JAM2: variants seen among roughly 807,000 people sequenced by gnomAD.
The protein encoded by JAM2 is junctional adhesion molecule 2.
Under a neutral mutation model 42.0 loss-of-function variants are expected in JAM2, and 17 were observed. That is an observed-to-expected ratio of 0.40 (90% CI 0.28 to 0.61). The LOEUF (loss-of-function observed/expected upper bound fraction) is 0.61. Ranked by LOEUF, JAM2 falls within the 20% of genes least tolerant of loss-of-function variation. The pLI, the probability that JAM2 is intolerant of heterozygous loss-of-function variation, is 0.37. For missense variants in JAM2, 319 were observed against 358.3 expected, an observed-to-expected ratio of 0.89 and a Z score of 0.89; for synonymous variants, 118 against 128.6, an observed-to-expected ratio of 0.92 and a Z score of 0.56.
intron 1 of JAM2, among the ~76,000 whole-genome samples, chr21:25,646,591 GGAGA>G (rs146429601): frequency 6.7e-6 from 1 of 150,238 alleles, no homozygotes; most frequent in Non-Finnish European, 1.5e-5. Context: ...AGAGAGAGAA[GGAGA>G]GAGAGAGAGA....
rs538959394 is a variant in JAM2, at chr21:25,673,503, G to A, written c.68-10380G>A. 5.9e-5 allele frequency among the ~76,000 whole-genome samples: 9 copies of A among 152,196 alleles called. No homozygotes were observed. The South Asian group carries it at 6.2e-4, about 11-fold the overall frequency. ...TCAAATTAGTTCATTCACCATAAAC[G>A]TTTACTCATTAACACTGTCTCTGTT... On this transcript the variant is annotated intron_variant, in intron 1 of 9. Transcript: ENST00000480456.
chr21:25,707,872 G>T (rs34851281), intron 7 of JAM2, among the ~76,000 whole-genome samples: 20,247 of 151,666 alleles, frequency 0.13, 1,809 homozygotes, highest in African/African-American at 0.26. Context: ...TTGAGACAGG[G>T]TCTCACTCTG....
At chr21:25,713,937 T>C (rs2034431694) in intron 9 of JAM2, among the ~76,000 whole-genome samples, 1 of 152,222 alleles carries the variant, frequency 6.6e-6, no homozygotes, top group East Asian at 1.9e-4. Flanking sequence ...AGAGTCCCCT[T>C]CAGTTCTCTT....
intron 1 of JAM2, among the ~76,000 whole-genome samples, chr21:25,651,966 A>G (rs991317671): frequency 1.3e-5 from 2 of 152,266 alleles, no homozygotes; most frequent in Non-Finnish European, 2.9e-5. Flanking sequence ...ACAGGAATGG[A>G]ACAGACTTCT....
intron 1 of JAM2, among the ~76,000 whole-genome samples, chr21:25,660,268 G>C (rs1234095423): frequency 6.6e-6 from 1 of 152,112 alleles, no homozygotes; most frequent in Non-Finnish European, 1.5e-5. Flanking sequence ...GGAAAATAAT[G>C]TAGATGATAG....
intron 1 of JAM2, among the ~76,000 whole-genome samples, chr21:25,670,130 C>T (rs1051300615): frequency 1.3e-5 from 2 of 152,132 alleles, no homozygotes; most frequent in Admixed American, 6.6e-5. Context: ...TTTTGCCTAC[C>T]ATATCTGGAC....
chr21:25,700,923 A>G (rs2123402929), intron 5 of JAM2, among the ~76,000 whole-genome samples: 1 of 152,128 alleles, frequency 6.6e-6, no homozygotes, highest in South Asian at 2.1e-4. Flanking sequence ...TACTTTTCAA[A>G]TTTATTTTTT....
intron 1 of JAM2, among the ~76,000 whole-genome samples, chr21:25,662,794 C>T (rs75467230): frequency 0.019 from 2,848 of 152,208 alleles, 95 homozygotes; most frequent in African/African-American, 0.066. Flanking sequence ...GATTTGAAGA[C>T]AAAATATGTC....
chr21:25,708,147 C>T (rs1479626683), intron 7 of JAM2, among the ~76,000 whole-genome samples: 2 of 152,050 alleles, frequency 1.3e-5, no homozygotes, highest in Non-Finnish European at 2.9e-5. Context: ...CACTCTTGGC[C>T]TTTAAAAATA....
At chr21:25,696,305 G>A (rs561551622) in intron 4 of JAM2, among the ~76,000 whole-genome samples, 2 of 152,264 alleles carry the variant, frequency 1.3e-5, no homozygotes, top group African/African-American at 4.8e-5. Flanking sequence ...GGAGAATCAG[G>A]CAGGGAGGTT....
At chr21:25,696,884 T>C (rs2034048920) in intron 4 of JAM2, among the ~76,000 whole-genome samples, 1 of 152,200 alleles carries the variant, frequency 6.6e-6, no homozygotes, top group African/African-American at 2.4e-5. Flanking sequence ...TTTTTGTTGT[T>C]GTTTTGAGAC....
chr21:25,669,651 T>C (rs1375652271), intron 1 of JAM2, among the ~76,000 whole-genome samples: 2 of 152,196 alleles, frequency 1.3e-5, no homozygotes, highest in African/African-American at 4.8e-5. Context: ...GGGAAGGCAT[T>C]ACTAGCTTCA....
chr21:25,688,091 C>A (rs757167037), intron 2 of JAM2, among the ~76,000 whole-genome samples: 1 of 152,094 alleles, frequency 6.6e-6, no homozygotes, highest in African/African-American at 2.4e-5. Flanking sequence ...TTGGATAAAC[C>A]ATTTCTCGAC....
intron 1 of JAM2, among the ~76,000 whole-genome samples, chr21:25,670,426 C>G (rs1175718088): frequency 1.3e-5 from 2 of 151,890 alleles, no homozygotes; most frequent in African/African-American, 4.8e-5. Flanking sequence ...ATCAAGGCTG[C>G]AGTGAACTAT....
At position 25,706,007 on chromosome 21, in the gene JAM2, A is replaced by T; in HGVS notation, c.726A>T (p.Ala242=). Reference sequence around the variant, plus strand: ...ATCTCAACATAAGTGGCATCATAGCAGCCGTAGTAGTTGTGGCCTTAGTGA... The same window carrying T: ...ATCTCAACATAAGTGGCATCATAGCTGCCGTAGTAGTTGTGGCCTTAGTGA... ...VDDLNISGII[A]AVVVVALVIS... is the part of the protein sequence containing the mutation. Residue 242 remains alanine, a synonymous_variant, in exon 7 of 10, where the codon GCA becomes GCT. Coordinates refer to ENST00000480456, the MANE Select transcript of JAM2 (RefSeq NM_021219.4). 6.2e-7 allele frequency: 1 copy of T among 1,613,588 alleles called. No individual in the cohort carries two copies. Among genetic ancestry groups the T allele is most frequent in the Non-Finnish European group, 8.5e-7 (1 of 1,179,486 alleles).
chr21:25,670,953 T>C (rs1046737825), intron 1 of JAM2, among the ~76,000 whole-genome samples: 2 of 152,230 alleles, frequency 1.3e-5, no homozygotes, highest in Non-Finnish European at 2.9e-5. Context: ...TTTTCAAATT[T>C]CTTCTGTAAG....
chr21:25,677,718 GA>G (rs1312134119), intron 1 of JAM2, among the ~76,000 whole-genome samples: 1 of 152,104 alleles, frequency 6.6e-6, no homozygotes, highest in East Asian at 1.9e-4. Context: ...ATTTTGCCCC[GA>G]GGTTTTCCTC....
chr21:25,676,695 A>T (rs2033505076), intron 1 of JAM2, among the ~76,000 whole-genome samples: 1 of 152,226 alleles, frequency 6.6e-6, no homozygotes, highest in African/African-American at 2.4e-5. Flanking sequence ...GCAGGCCTAC[A>T]TGACCATTTT....
intron 1 of JAM2, among the ~76,000 whole-genome samples, chr21:25,677,857 A>G (rs2033535067): frequency 6.6e-6 from 1 of 152,210 alleles, no homozygotes; most frequent in African/African-American, 2.4e-5. Flanking sequence ...CACAGTGTTA[A>G]AGGAGACAAA....
Sources: allele counts gnomAD v4.1 joint callset (sites outside exome capture counted in the v4.1 genomes callset), GRCh38; gene constraint gnomAD v4.1.1; transcripts MANE v1.5; gene names NCBI Gene and HGNC (gene_info 2026-07-23, HGNC 2026-07-21).